FGD5: variants seen among roughly 807,000 people sequenced by gnomAD.
The protein encoded by FGD5 is FYVE, RhoGEF and PH domain-containing protein 5.
In FGD5, 28 loss-of-function variants were observed where a neutral mutation model predicts 133.4. The ratio of observed to expected loss-of-function variants is 0.21; its 90% CI spans 0.16 to 0.29. The LOEUF is 0.29. Ranked by LOEUF, FGD5 falls within the 10% of genes least tolerant of loss-of-function variation. The pLI is 1.00. For synonymous variants in FGD5, 810 were observed against 776.5 expected (o/e 1.04, Z -0.72); for missense variants, 1,858 against 1,895.2 (o/e 0.98, Z 0.36).
intron 1 of FGD5, among the ~76,000 whole-genome samples, chr3:14,837,296 A>G (rs558606936): frequency 6.6e-6 from 1 of 152,304 alleles, no homozygotes; most frequent in East Asian, 1.9e-4. Context: ...TGTGAGTGTA[A>G]CAAGGTCTTT....
rs138741627 is a variant in FGD5 at position 14,893,752 on chromosome 3, C to CTTTTTTTTTTTTTTTTTTTTTTTTTTTTT, written c.2749-3737_2749-3736insTTTTTTTTTTTTTTTTTTTTTTTTTTTTT. Among the ~76,000 whole-genome samples, 9 of 95,056 alleles carry CTTTTTTTTTTTTTTTTTTTTTTTTTTTTT rather than the reference C, an allele frequency of 9.5e-5. 1 individual carries two copies. The highest frequency in any genetic ancestry group is 9.4e-5 in the Non-Finnish European group (5 of 53,352). 62.4% of individuals were successfully genotyped at this position (95,056 alleles called of 152,430 possible). ...TTTCTTTTTCTTTCTTTTCTTTTTT[C>CTTTTTTTTTTTTTTTTTTTTTTTTTTTTT]TTTTTTTTTTTTTTTTTTTTGAGAC... is the stretch of plus-strand genomic sequence containing the variant. On this transcript the variant is annotated intron_variant, in intron 4 of 19. Transcript: ENST00000285046.
chr3:14,819,821 T>C lies in FGD5; in HGVS notation c.750T>C (p.Ser250=), dbSNP rs1171015012. Residue 250 remains serine (S), a synonymous_variant, in exon 1 of 20, where the codon AGT becomes AGC. Coordinates refer to ENST00000285046, the MANE Select transcript of FGD5 (RefSeq NM_152536.4). This position sits in a 1 kb window ranked among gnomAD's most constrained non-coding sequence, Gnocchi z 4.1. The part of the protein sequence containing the change: ...EDMGQDAEDT[S]EEPPEKEELA... ...TGGGACAGGATGCTGAGGACACCAG[T>C]GAGGAGCCCCCTGAGAAGGAGGAGC... The C allele has an allele frequency of 2.5e-6, 4 of 1,598,334 alleles. No individual in the cohort carries two copies. In the African/African-American group the frequency reaches 5.4e-5, roughly 21 times the overall value.
In FGD5 at chr3:14,922,180, G is replaced by A; in HGVS notation, c.3669+163G>A. Reference sequence around the variant, plus strand: ...CATGCTCCCACCCTAGTCAGGGGCGGCCTCCGTGTAACCTAGGAGCCCAGC... The same window carrying A: ...CATGCTCCCACCCTAGTCAGGGGCGACCTCCGTGTAACCTAGGAGCCCAGC... On this transcript the variant is annotated intron_variant, in intron 14 of 19. Coordinates refer to ENST00000285046, the MANE Select transcript of FGD5 (RefSeq NM_152536.4). This position sits in a 1 kb window ranked among gnomAD's most constrained non-coding sequence, Gnocchi z 4.1. The A allele has an allele frequency of 1.0e-6, 1 of 980,656 alleles. No individual in the cohort carries two copies. The highest frequency in any genetic ancestry group is 1.5e-6 in the Non-Finnish European group (1 of 662,892). The allele number at this position is 980,656 out of a possible 1,614,324, so 60.7% of individuals were successfully genotyped here. A position where few individuals can be genotyped will look rare whatever the true frequency, so the allele number is the denominator to read the frequency against.
rs2038580501 is a variant in FGD5, at chr3:14,917,407, T to C, written c.3489+75T>C. The C allele has an allele frequency of 5.8e-6, 8 of 1,374,078 alleles. No homozygotes were observed. The South Asian group carries it at 8.8e-5, about 15-fold the overall frequency. The allele number at this position is 1,374,078 out of a possible 1,614,324, so 85.1% of individuals were successfully genotyped here. A position where few individuals can be genotyped will look rare whatever the true frequency, so the allele number is the denominator to read the frequency against. The stretch of plus-strand genomic sequence containing the variant: ...AGGGGAGAAGGGGACAGCATCCTGC[T>C]CCCAGGAGCACCCAGACCAGCTGGA... On this transcript the variant is annotated intron_variant, in intron 12 of 19. Transcript: ENST00000285046. This position sits in a 1 kb window ranked among gnomAD's most constrained non-coding sequence, Gnocchi z 4.1.
At chr3:14,866,444 C>T (rs1226622046) in intron 2 of FGD5, among the ~76,000 whole-genome samples, 2 of 151,934 alleles carry the variant, frequency 1.3e-5, no homozygotes, top group Non-Finnish European at 2.9e-5. Flanking sequence ...TCTGGTCTCC[C>T]GGCCACTGCT....
chr3:14,821,118 G>A lies in FGD5; in HGVS notation c.2047G>A (p.Glu683Lys), dbSNP rs2036489170. The A allele has an allele frequency of 6.2e-7, 1 of 1,613,998 alleles. No homozygotes were observed. Residue 683 changes from glutamate (E) to lysine (K), a missense_variant, in exon 1 of 20, where the codon GAG (glutamate) becomes AAG (lysine). This residue lies in a region of FGD5 where 1,824 missense variants were observed against 1,848.9 expected (regional missense o/e 0.99). Transcript: ENST00000285046. ...VNVSSSRSSS[E>K]SSYHGPSRIL... ...CGTGTCTTCCTCTAGGTCCTCTTCA[G>A]AGTCCAGCTACCACGGGCCTTCCAG...
At position 14,897,861 on chromosome 3, in the gene FGD5, C is replaced by T. The variant is rs1001024872; in HGVS notation, c.2910-78C>T. The stretch of plus-strand genomic sequence containing the variant: ...CTGGGATCTGCACCCAGGGATGTGA[C>T]TCCAGGCCCCCTGCTTCTAACCCTG... On this transcript the variant is annotated intron_variant, in intron 5 of 19. Transcript: ENST00000285046. 12 of 1,572,406 alleles carry T rather than the reference C, an allele frequency of 7.6e-6. No individual in the cohort carries two copies. In the African/African-American group the frequency reaches 9.4e-5, roughly 12 times the overall value.
intron 12 of FGD5, 28 bp from the exon 13 acceptor site, chr3:14,918,726 C>T: frequency 3.7e-6 from 6 of 1,613,390 alleles, no homozygotes; most frequent in Non-Finnish European, 5.1e-6. Flanking sequence ...CTGCCCCACC[C>T]TGAAGGAGGC....
chr3:14,827,218 A>G (rs1417433417), intron 1 of FGD5, among the ~76,000 whole-genome samples: 2 of 151,680 alleles, frequency 1.3e-5, no homozygotes, highest in African/African-American at 4.9e-5. Flanking sequence ...CTGACTTTCA[A>G]TCCAATGCTG....
intron 11 of FGD5, among the ~76,000 whole-genome samples, chr3:14,911,891 A>G (rs143107402): frequency 1.2e-3 from 187 of 151,490 alleles, no homozygotes; most frequent in Non-Finnish European, 2.3e-3. Context: ...GGGTGCGCAC[A>G]CTGTGCTCAG....
At chr3:14,904,505 G>GGTGTGTAT (rs1553630569) in intron 9 of FGD5, among the ~76,000 whole-genome samples, 2 of 150,848 alleles carry the variant, frequency 1.3e-5, no homozygotes, top group African/African-American at 4.9e-5. Context: ...TAGATTTCAG[G>GGTGTGTAT]GTGTGTGTGT....
intron 11 of FGD5, 95 bp downstream of exon 11, chr3:14,911,024 G>A: frequency 1.6e-6 from 2 of 1,241,392 alleles, no homozygotes; most frequent in South Asian, 1.3e-5. Context: ...TAGGGTGAGA[G>A]GAGAGTAGAA....
At chr3:14,887,638 C>T (rs534651853) in intron 4 of FGD5, among the ~76,000 whole-genome samples, 2 of 152,174 alleles carry the variant, frequency 1.3e-5, no homozygotes, top group South Asian at 4.1e-4. Context: ...TCTCCGCCCT[C>T]AAGGCACTGA....
intron 1 of FGD5, among the ~76,000 whole-genome samples, chr3:14,858,355 G>GTGGGTGGGTGGATGGA (rs57012067): frequency 3.8e-5 from 5 of 130,888 alleles, no homozygotes; most frequent in East Asian, 5.3e-4. Context: ...GGGTGGGTGG[G>GTGGGTGGGTGGATGGA]TGGATGGATG....
chr3:14,922,328 C>G lies in FGD5; in HGVS notation c.3670-83C>G. The stretch of plus-strand genomic sequence containing the variant: ...ACACATCACACACCCTGCACAGAGA[C>G]GCAGGGCAGGGCTCACTGGGCTCTG... On this transcript the variant is annotated intron_variant, in intron 14 of 19. Coordinates refer to ENST00000285046, the MANE Select transcript of FGD5 (RefSeq NM_152536.4). The surrounding 1 kb of genome is among the most constrained non-coding windows in gnomAD (Gnocchi z 4.1). 6.6e-7 allele frequency: 1 copy of G among 1,520,338 alleles called. No individual in the cohort carries two copies. The highest frequency in any genetic ancestry group is 1.2e-5 in the South Asian group (1 of 81,026). The allele number at this position is 1,520,338 out of a possible 1,614,324, so 94.2% of individuals were successfully genotyped here.
In FGD5 at chr3:14,922,597, G is replaced by C; in HGVS notation, c.3807+49G>C. ...GTGTGTGCATGGGGGTGGGGTGGGG[G>C]AAGGGCATGTCCCTGCCCAGCCGGG... is the stretch of plus-strand genomic sequence containing the variant. On this transcript the variant is annotated intron_variant, in intron 15 of 19. Coordinates refer to ENST00000285046, the MANE Select transcript of FGD5 (RefSeq NM_152536.4). The surrounding 1 kb of genome is among the most constrained non-coding windows in gnomAD (Gnocchi z 4.1). 5.3e-6 allele frequency: 7 copies of C among 1,320,668 alleles called. No homozygotes were observed. The highest frequency in any genetic ancestry group is 7.3e-6 in the Non-Finnish European group (7 of 962,264). 81.8% of individuals were successfully genotyped at this position (1,320,668 alleles called of 1,614,324 possible).
At chr3:14,815,005 T>A (rs952983758), upstream of FGD5, among the ~76,000 whole-genome samples, 1 of 152,156 alleles carries the variant, frequency 6.6e-6, no homozygotes, top group African/African-American at 2.4e-5. Flanking sequence ...CTCCATCATC[T>A]CTTGCTTGGA....
intron 1 of FGD5, among the ~76,000 whole-genome samples, chr3:14,862,608 T>C (rs979504917): frequency 6.6e-6 from 1 of 152,154 alleles, no homozygotes; most frequent in African/African-American, 2.4e-5. Flanking sequence ...ATATGGCTTG[T>C]TGTAAAACAC....
chr3:14,851,641 T>A (rs2037167185), intron 1 of FGD5, among the ~76,000 whole-genome samples: 1 of 152,202 alleles, frequency 6.6e-6, no homozygotes, highest in African/African-American at 2.4e-5. Flanking sequence ...GGCTCCGGCT[T>A]ACATATTGTT....
Sources: allele counts gnomAD v4.1 joint callset (sites outside exome capture counted in the v4.1 genomes callset), GRCh38; gene constraint gnomAD v4.1.1; regional missense constraint gnomAD v4.1.1; non-coding constraint Gnocchi (gnomAD v3.1); transcripts MANE v1.5; gene names NCBI Gene and HGNC (gene_info 2026-07-23, HGNC 2026-07-21).